The following TBC1D1 variants were observed in gnomAD, a reference collection of about 807,000 sequenced individuals.
TBC1D1 encodes TBC1 domain family member 1, also known as TBC1 (tre-2/USP6, BUB2, cdc16) domain family, member 1.
TBC1D1 carries 89 observed loss-of-function variants against 125.6 expected under a neutral mutation model. That is an observed-to-expected ratio of 0.71 (90% CI 0.60 to 0.85). TBC1D1 has a LOEUF of 0.85. Ranked by LOEUF, TBC1D1 falls within the 40% of genes least tolerant of loss-of-function variation. The pLI, the probability that TBC1D1 is intolerant of heterozygous loss-of-function variation, is 0.00. For missense variants in TBC1D1, 1,377 were observed against 1,469.2 expected (o/e 0.94, Z 1.03); for synonymous variants, 565 against 564.1 (o/e 1.00, Z -0.02).
intron 2 of TBC1D1, among the ~76,000 whole-genome samples, chr4:37,910,122 T>C (rs1423528094): frequency 6.6e-6 from 1 of 152,378 alleles, no homozygotes; most frequent in Non-Finnish European, 1.5e-5. Context: ...TTTTATTGTT[T>C]TACACATATG....
intron 2 of TBC1D1, among the ~76,000 whole-genome samples, chr4:37,927,199 G>A (rs1450122004): frequency 1.3e-5 from 2 of 152,096 alleles, no homozygotes; most frequent in African/African-American, 2.4e-5. Context: ...TTCTAATAGA[G>A]GCGGGAAGAG....
chr4:38,007,686 C>T (rs967996607), intron 2 of TBC1D1, among the ~76,000 whole-genome samples: 25 of 152,162 alleles, frequency 1.6e-4, no homozygotes, highest in African/African-American at 5.8e-4. Context: ...TGCTTTATTC[C>T]CTCTGTCTAG....
At chr4:37,917,946 G>T (rs1347456831) in intron 2 of TBC1D1, among the ~76,000 whole-genome samples, 1 of 152,014 alleles carries the variant, frequency 6.6e-6, no homozygotes. Flanking sequence ...AATAGACGAA[G>T]CTATTTTGAA....
At chr4:37,920,996 G>A (rs1354857697) in intron 2 of TBC1D1, among the ~76,000 whole-genome samples, 1 of 151,538 alleles carries the variant, frequency 6.6e-6, no homozygotes, top group Admixed American at 6.6e-5. Flanking sequence ...TGTAGTCCCA[G>A]CTACTCAGGA....
intron 8 of TBC1D1, among the ~76,000 whole-genome samples, chr4:38,041,859 G>A (rs771332544): frequency 1.4e-4 from 22 of 152,172 alleles, no homozygotes; most frequent in Non-Finnish European, 1.9e-4. Flanking sequence ...CTTCAAAGAT[G>A]TCTGCAGTGG....
At chr4:37,911,452 T>A (rs1000547179) in intron 2 of TBC1D1, among the ~76,000 whole-genome samples, 20 of 151,400 alleles carry the variant, frequency 1.3e-4, no homozygotes, top group African/African-American at 4.6e-4. Context: ...TGGATTGGGG[T>A]TGAGATTTGG....
At chr4:37,898,737 T>C (rs2152215836) in intron 1 of TBC1D1, among the ~76,000 whole-genome samples, 1 of 152,290 alleles carries the variant, frequency 6.6e-6, no homozygotes, top group African/African-American at 2.4e-5. Context: ...GTCTCATGTT[T>C]TCTACCAGCA....
chr4:38,054,256 C>T lies in TBC1D1; in HGVS notation c.1968C>T (p.Thr656=). ...ATTCTGGTGGGACTCCTGTGAAGACCCGGAGGCATTCCTGGAGGCAGCAGA... is the reference window on the plus strand; with the variant it reads ...ATTCTGGTGGGACTCCTGTGAAGACTCGGAGGCATTCCTGGAGGCAGCAGA... Residue 656 remains threonine, a synonymous_variant, in exon 12 of 20, where the codon ACC becomes ACT. Transcript: ENST00000261439. The T allele has an allele frequency of 6.2e-7, 1 of 1,614,124 alleles. No homozygotes were observed. Among genetic ancestry groups the T allele is most frequent in the Non-Finnish European group, 8.5e-7 (1 of 1,180,012 alleles).
At chr4:38,134,719 AT>A (rs1253150830) in intron 19 of TBC1D1, among the ~76,000 whole-genome samples, 3 of 152,230 alleles carry the variant, frequency 2.0e-5, no homozygotes, top group African/African-American at 7.2e-5. Flanking sequence ...ATAGAAAGTA[AT>A]TTCATGCTGC....
intron 2 of TBC1D1, among the ~76,000 whole-genome samples, chr4:37,955,114 C>CT (rs1315788439): frequency 2.6e-5 from 4 of 152,164 alleles, no homozygotes; most frequent in African/African-American, 4.8e-5. Flanking sequence ...CTTTAACTCA[C>CT]TTTTTATTTT....
intron 2 of TBC1D1, among the ~76,000 whole-genome samples, chr4:37,923,505 TATCCTCTGCACACTGGG>T (rs922378634): frequency 6.6e-6 from 1 of 152,164 alleles, no homozygotes; most frequent in African/African-American, 2.4e-5. Flanking sequence ...GGTTCTTTAA[TATCCTCTGCACACTGGG>T]ATCCAACTTA....
intron 6 of TBC1D1, among the ~76,000 whole-genome samples, chr4:38,023,449 A>G (rs899181518): frequency 1.3e-5 from 2 of 152,340 alleles, no homozygotes; most frequent in South Asian, 2.1e-4. Context: ...CAGCATCTCC[A>G]GAACTTTTTC....
At chr4:37,958,617 C>T (rs946689777) in intron 2 of TBC1D1, among the ~76,000 whole-genome samples, 2 of 152,166 alleles carry the variant, frequency 1.3e-5, no homozygotes, top group Admixed American at 6.5e-5. Context: ...CACCTCTAGA[C>T]CTCCTTTATT....
Position 37,919,949 on chromosome 4 carries a change from G to A in TBC1D1, c.417+17437G>A, listed in dbSNP as rs534450122. On this transcript the variant is annotated intron_variant, in intron 2 of 19. Coordinates refer to ENST00000261439, the MANE Select transcript of TBC1D1 (RefSeq NM_015173.4). The stretch of plus-strand genomic sequence containing the variant: ...AACACGGTGCAACTCCGTCTCTACT[G>A]AAAATACAAAAAAATGAGCCGGGCG... 3.9e-4 allele frequency among the ~76,000 whole-genome samples: 60 copies of A among 151,998 alleles called. 1 individual carries two copies. The highest frequency in any genetic ancestry group is 7.6e-4 in the Non-Finnish European group (52 of 67,974).
At chr4:37,996,386 A>G (rs1737802536) in intron 2 of TBC1D1, among the ~76,000 whole-genome samples, 1 of 152,222 alleles carries the variant, frequency 6.6e-6, no homozygotes, top group Non-Finnish European at 1.5e-5. Flanking sequence ...TAAAATATAT[A>G]AAGTGGAAAA....
intron 2 of TBC1D1, among the ~76,000 whole-genome samples, chr4:37,927,712 G>A (rs1036916806): frequency 1.3e-5 from 2 of 152,190 alleles, no homozygotes; most frequent in African/African-American, 4.8e-5. Context: ...AAATCCTTAT[G>A]CTTTTGTTTG....
intron 2 of TBC1D1, among the ~76,000 whole-genome samples, chr4:37,972,327 CA>C (rs1444239182): frequency 6.6e-6 from 1 of 151,462 alleles, no homozygotes; most frequent in Non-Finnish European, 1.5e-5. Context: ...ACTAAAAATA[CA>C]AAATTAGCCA....
intron 16 of TBC1D1, among the ~76,000 whole-genome samples, chr4:38,117,832 C>T (rs1338932719): frequency 6.6e-6 from 1 of 151,704 alleles, no homozygotes; most frequent in Non-Finnish European, 1.5e-5. Flanking sequence ...TGGGCCTACA[C>T]CCAGCCAGTG....
At chr4:38,081,802 T>G (rs1218084432) in intron 12 of TBC1D1, among the ~76,000 whole-genome samples, 2 of 152,162 alleles carry the variant, frequency 1.3e-5, no homozygotes, top group Non-Finnish European at 2.9e-5. Context: ...GTCGAGGAGC[T>G]TGCCCATTTC....
Sources: allele counts gnomAD v4.1 joint callset (sites outside exome capture counted in the v4.1 genomes callset), GRCh38; gene constraint gnomAD v4.1.1; transcripts MANE v1.5; gene names NCBI Gene and HGNC (gene_info 2026-07-23, HGNC 2026-07-21).